Variants in STAU2 observed in about 807,000 individuals in gnomAD.
STAU2 encodes staufen double-stranded RNA binding protein 2, also known as double-stranded RNA-binding protein Staufen homolog 2.
In STAU2, 20 loss-of-function variants were observed where a neutral mutation model predicts 65.9. The ratio of observed to expected loss-of-function variants is 0.30; its 90% CI spans 0.21 to 0.44. The LOEUF is 0.44. Among genes scored for constraint, STAU2 ranks in the 20% least tolerant of loss-of-function variants. The pLI, the probability that STAU2 is intolerant of heterozygous loss-of-function variation, is 1.00. For missense variants in STAU2, 558 were observed against 683.9 expected (o/e 0.82, Z 2.05); for synonymous variants, 232 against 233.9 (o/e 0.99, Z 0.07).
At chr8:73,704,916 C>T (rs1563518783) in intron 4 of STAU2, among the ~76,000 whole-genome samples, 1 of 152,140 alleles carries the variant, frequency 6.6e-6, no homozygotes, top group Non-Finnish European at 1.5e-5. Flanking sequence ...ATCTGCCCAC[C>T]TTGGCCTCCC....
At chr8:73,665,358 A>T (rs1563492462) in intron 6 of STAU2, among the ~76,000 whole-genome samples, 1 of 152,230 alleles carries the variant, frequency 6.6e-6, no homozygotes, top group Non-Finnish European at 1.5e-5. Context: ...AAGAGAAAAG[A>T]ATATATTCCC....
chr8:73,522,019 A>C (rs755176933), intron 13 of STAU2, among the ~76,000 whole-genome samples: 1 of 152,244 alleles, frequency 6.6e-6, no homozygotes, highest in Non-Finnish European at 1.5e-5. Flanking sequence ...AAGTAAGCTC[A>C]AGATCTAACC....
intron 13 of STAU2, among the ~76,000 whole-genome samples, chr8:73,540,893 C>T (rs76838123): frequency 0.01 from 1,550 of 152,082 alleles, 7 homozygotes; most frequent in Non-Finnish European, 0.015. Context: ...CACTGGAGGA[C>T]GCAGAGGAAA....
chr8:73,430,528 T>C (rs1817190466), intron 13 of STAU2, among the ~76,000 whole-genome samples: 2 of 152,212 alleles, frequency 1.3e-5, no homozygotes, highest in Non-Finnish European at 1.5e-5. Flanking sequence ...TTTGCTTCTC[T>C]TTCTACAGGA....
chr8:73,531,087 G>A (rs972905552), intron 13 of STAU2, among the ~76,000 whole-genome samples: 40 of 152,300 alleles, frequency 2.6e-4, no homozygotes, highest in African/African-American at 9.4e-4. Flanking sequence ...AAAGTGTGCA[G>A]GAAGGTGTCT....
intron 4 of STAU2, among the ~76,000 whole-genome samples, chr8:73,701,842 T>C (rs987679156): frequency 4.6e-5 from 7 of 152,084 alleles, no homozygotes; most frequent in African/African-American, 1.4e-4. Context: ...TGTCCATCAA[T>C]AGATGAATGG....
intron 3 of STAU2, among the ~76,000 whole-genome samples, chr8:73,721,279 C>T (rs1773590151): frequency 1.8e-5 from 2 of 109,960 alleles, no homozygotes; most frequent in Admixed American, 1.8e-4. Flanking sequence ...AAAGCAAAAC[C>T]CCACCTCCAA....
At chr8:73,654,637 C>CA (rs71269928) in intron 6 of STAU2, among the ~76,000 whole-genome samples, 1,276 of 26,154 alleles carry the variant, frequency 0.049, 83 homozygotes, top group Middle Eastern at 0.17. Flanking sequence ...AAGATTGTCT[C>CA]AAAAAAAAAA....
intron 12 of STAU2, among the ~76,000 whole-genome samples, chr8:73,575,358 T>C (rs757890912): frequency 5.3e-5 from 8 of 152,206 alleles, no homozygotes; most frequent in Non-Finnish European, 8.8e-5. Context: ...TTCCTGAAGC[T>C]GTAGGGAAAC....
intron 4 of STAU2, among the ~76,000 whole-genome samples, chr8:73,691,171 G>A (rs1361081236): frequency 6.6e-6 from 1 of 152,016 alleles, no homozygotes; most frequent in Non-Finnish European, 1.5e-5. Context: ...TGTCTACTTG[G>A]TATTTCCACA....
At chr8:73,422,269 G>T (rs16938649) in intron 14 of STAU2, among the ~76,000 whole-genome samples, 71,370 of 151,984 alleles carry the variant, frequency 0.47, 17,231 homozygotes, top group African/African-American at 0.56. Context: ...AACTTTCACC[G>T]CTGAAAATGG....
chr8:73,516,350 C>T (rs1284190142), intron 13 of STAU2, among the ~76,000 whole-genome samples: 1 of 151,770 alleles, frequency 6.6e-6, no homozygotes, highest in African/African-American at 2.4e-5. Flanking sequence ...TTTTTTATCA[C>T]TACCTTGCCC....
intron 3 of STAU2, 122 bp downstream of exon 3, chr8:73,738,162 A>G: frequency 1.2e-6 from 1 of 856,574 alleles, no homozygotes; most frequent in Non-Finnish European, 1.9e-6. Flanking sequence ...TACAGTAGGT[A>G]ACTGCTTTAA....
In STAU2 at chr8:73,688,798, G is replaced by A; in HGVS notation, c.130C>T (p.Leu44=). The A allele has an allele frequency of 2.5e-6, 4 of 1,614,110 alleles. No individual in the cohort carries two copies. Among genetic ancestry groups the A allele is most frequent in the Admixed American group, 3.3e-5 (2 of 60,012 alleles). Residue 44 remains leucine (L), a synonymous_variant, in exon 5 of 15, where the codon CTG becomes TTG. Transcript: ENST00000524300. ...TCCCATGTCTGCTCACCAAGACTCA[G>A]CTGCACTGAGAACATCTTAGAAAAA... is the stretch of plus-strand genomic sequence containing the variant. ...PAHSKMFSVQ[L]SLGEQTWESE...
intron 4 of STAU2, among the ~76,000 whole-genome samples, chr8:73,694,196 A>C (rs564112920): frequency 3.1e-4 from 47 of 152,368 alleles, no homozygotes; most frequent in Non-Finnish European, 6.5e-4. Context: ...AAATAAATGA[A>C]GCAAAAACTG....
intron 13 of STAU2, among the ~76,000 whole-genome samples, chr8:73,488,605 G>T (rs1308327702): frequency 6.6e-6 from 1 of 151,038 alleles, no homozygotes; most frequent in East Asian, 2.0e-4. Context: ...GAAAGATTCA[G>T]TTACTTAAAC....
intron 9 of STAU2, 69 bp from the exon 10 acceptor site, chr8:73,603,932 C>G (rs1811825319): frequency 2.7e-6 from 4 of 1,495,798 alleles, no homozygotes; most frequent in Admixed American, 2.3e-5. Flanking sequence ...CTTAAAGAAA[C>G]AGTGCTTCTT....
At chr8:73,616,055 A>G (rs1294752618) in intron 7 of STAU2, among the ~76,000 whole-genome samples, 1 of 152,158 alleles carries the variant, frequency 6.6e-6, no homozygotes, top group East Asian at 1.9e-4. Flanking sequence ...AGTTTAGCCT[A>G]CATCCCTAAA....
chr8:73,552,279 T>C lies in STAU2; in HGVS notation c.1263A>G (p.Gln421=), dbSNP rs1237868324. The C allele has an allele frequency of 6.2e-7, 1 of 1,613,684 alleles. No homozygotes were observed. The highest frequency in any genetic ancestry group is 2.2e-5 in the East Asian group (1 of 44,838). The change falls in exon 13 of 15, where the codon CAA becomes CAG. Residue 421 remains glutamine, a synonymous_variant. Coordinates refer to ENST00000524300, the MANE Select transcript of STAU2 (RefSeq NM_001164380.2). ...CTTTGTGGCGGCTGGCTTCCATCTC[T>C]TGATAAACATCAGGAGACAAATGAA... ...GILHLSPDVY[Q]EMEASRHKVI...
Sources: gnomAD v4.1 joint callset for allele counts (sites outside exome capture counted in the v4.1 genomes callset) on GRCh38, gnomAD v4.1.1 for gene constraint, MANE v1.5 for transcripts, NCBI Gene and HGNC (gene_info 2026-07-23, HGNC 2026-07-21) for gene names.